The following RBFOX3 variants were observed in gnomAD, a reference collection of about 807,000 sequenced individuals.
The protein encoded by RBFOX3 is RNA binding protein fox-1 homolog 3.
RBFOX3 carries 17 observed loss-of-function variants against 48.7 expected under a neutral mutation model. The observed-to-expected ratio is 0.35, with a 90% CI of 0.24 to 0.52. The LOEUF (loss-of-function observed/expected upper bound fraction) is 0.52, where lower values mean the gene tolerates loss of function less well. Among genes scored for constraint, RBFOX3 ranks in the 20% least tolerant of loss-of-function variants. The pLI is 0.94. For missense variants in RBFOX3, 382 were observed against 497.5 expected, an observed-to-expected ratio of 0.77 and a Z score of 2.21; for synonymous variants, 212 against 209.5, an observed-to-expected ratio of 1.01 and a Z score of -0.10.
chr17:79,504,300 A>G (rs1263735297), intron 1 of RBFOX3, among the ~76,000 whole-genome samples: 1 of 152,252 alleles, frequency 6.6e-6, no homozygotes, highest in Non-Finnish European at 1.5e-5. Context: ...CGAGTCAGAG[A>G]TCGGCCATGG....
intron 4 of RBFOX3, among the ~76,000 whole-genome samples, chr17:79,147,005 T>TG (rs1176869966): frequency 7.9e-5 from 12 of 152,072 alleles, no homozygotes; most frequent in Non-Finnish European, 1.2e-4. Flanking sequence ...TCCTTTACTT[T>TG]GGATCTTACA....
At position 79,361,666 on chromosome 17, in the gene RBFOX3, C is replaced by T. The variant is rs575599130; in HGVS notation, c.-174-53842G>A. ...CCCTCTCTTTCACTCTGCCCTCAAACAGCATTTCACTCCATCATTCATTTC... is the reference window on the plus strand; with the variant it reads ...CCCTCTCTTTCACTCTGCCCTCAAATAGCATTTCACTCCATCATTCATTTC... On this transcript the variant is annotated intron_variant, in intron 2 of 14. Transcript: ENST00000693108. This position sits in a 1 kb window ranked among gnomAD's most constrained non-coding sequence, Gnocchi z 4.5. Among the ~76,000 whole-genome samples, 117 of 152,346 alleles carry T rather than the reference C, an allele frequency of 7.7e-4. No homozygotes were observed. Among genetic ancestry groups the T allele is most frequent in the South Asian group, 1.0e-3 (5 of 4,824 alleles).
chr17:79,631,471 C>T, the RBFOX3 span, among the ~76,000 whole-genome samples: 3 of 152,214 alleles, frequency 2.0e-5, no homozygotes, highest in South Asian at 6.2e-4. Context: ...ACTCATCTGC[C>T]TTTCAGGGAC....
chr17:79,563,059 G>A (rs1205575255), intron 1 of RBFOX3, among the ~76,000 whole-genome samples: 1 of 152,224 alleles, frequency 6.6e-6, no homozygotes, highest in Non-Finnish European at 1.5e-5. Flanking sequence ...CAGCAGCAGA[G>A]CGGGCGGGGG....
At chr17:79,246,555 T>C (rs2063195323) in intron 3 of RBFOX3, among the ~76,000 whole-genome samples, 1 of 152,220 alleles carries the variant, frequency 6.6e-6, no homozygotes, top group Admixed American at 6.5e-5. Context: ...GCAATGATGG[T>C]GTCCAGATGG....
chr17:79,503,613 C>T (rs1224561439), intron 1 of RBFOX3, among the ~76,000 whole-genome samples: 2 of 152,226 alleles, frequency 1.3e-5, no homozygotes, highest in Admixed American at 6.5e-5. Context: ...TCCAGCTCCA[C>T]GGCTGCGTGT....
At chr17:79,620,405 A>G in the RBFOX3 span, among the ~76,000 whole-genome samples, 1 of 150,142 alleles carries the variant, frequency 6.7e-6, no homozygotes, top group Non-Finnish European at 1.5e-5. Flanking sequence ...CCACATGCAC[A>G]CACACGGACA....
At chr17:79,606,943 G>C (rs1308301612) in intron 1 of RBFOX3, among the ~76,000 whole-genome samples, 1 of 152,202 alleles carries the variant, frequency 6.6e-6, no homozygotes, top group Non-Finnish European at 1.5e-5. Context: ...ATAGACCCAG[G>C]ACGTTATAGA....
rs1287941604 is a variant in RBFOX3, at chr17:79,482,358, C to A, written c.-175+96G>T. 6.6e-6 allele frequency: 1 copy of A among 152,248 alleles called. No homozygotes were observed. Among genetic ancestry groups the A allele is most frequent in the Non-Finnish European group, 1.5e-5 (1 of 68,072 alleles). 9.4% of individuals were successfully genotyped at this position (152,248 alleles called of 1,614,324 possible). ...AGCACAGAACGCCCCTACCCCACAA[C>A]CCTTGCTGGAAAATCAAATCACCGC... On this transcript the variant is annotated intron_variant, in intron 2 of 14. Transcript: ENST00000693108. This position sits in a 1 kb window ranked among gnomAD's most constrained non-coding sequence, Gnocchi z 4.1.
intron 2 of RBFOX3, among the ~76,000 whole-genome samples, chr17:79,478,918 G>A (rs757990080): frequency 2.3e-4 from 35 of 152,222 alleles, no homozygotes; most frequent in African/African-American, 6.8e-4. Flanking sequence ...GACCCTTTCC[G>A]AGGCAGAGGC....
chr17:79,433,780 C>T (rs1334515957), intron 2 of RBFOX3, among the ~76,000 whole-genome samples: 3 of 151,738 alleles, frequency 2.0e-5, no homozygotes, highest in Admixed American at 6.5e-5. Context: ...ATCAAGTCAC[C>T]GTCCACACTG....
At chr17:79,382,987 G>C (rs2060109172) in intron 2 of RBFOX3, among the ~76,000 whole-genome samples, 1 of 150,946 alleles carries the variant, frequency 6.6e-6, no homozygotes, top group South Asian at 2.1e-4. Context: ...CATTTTCTGG[G>C]GCTGTGTGGG....
intron 1 of RBFOX3, among the ~76,000 whole-genome samples, chr17:79,554,351 CTCACCT>C (rs2091423768): frequency 2.0e-5 from 3 of 151,494 alleles, no homozygotes; most frequent in African/African-American, 7.3e-5. Context: ...ACAGTCACCC[CTCACCT>C]GGCCCTCTCC....
rs142440207 is a variant in RBFOX3, at chr17:79,147,170, G to A, written c.-33-31422C>T. 2.7e-3 allele frequency among the ~76,000 whole-genome samples: 404 copies of A among 152,258 alleles called. 3 individuals carry two copies. Among genetic ancestry groups the A allele is most frequent in the Non-Finnish European group, 4.9e-3 (333 of 68,022 alleles). ...GCTCCCTTGCCCTCCCGTCCGTGTC[G>A]TCCTCAGAGATGGCACGGCCCAAGT... is the stretch of plus-strand genomic sequence containing the variant. On this transcript the variant is annotated intron_variant, in intron 4 of 14. Transcript: ENST00000693108.
chr17:79,339,538 G>T (rs2081728732), intron 2 of RBFOX3, among the ~76,000 whole-genome samples: 1 of 152,280 alleles, frequency 6.6e-6, no homozygotes, highest in South Asian at 2.1e-4. Flanking sequence ...AGGAGGAAGT[G>T]GTTCCTTAAA....
intron 2 of RBFOX3, among the ~76,000 whole-genome samples, chr17:79,414,462 T>C (rs1025953903): frequency 2.0e-5 from 3 of 152,158 alleles, no homozygotes; most frequent in African/African-American, 7.2e-5. Flanking sequence ...TGTATTTCCA[T>C]ATGCAAATGC....
chr17:79,324,496 T>C (rs2079017278), intron 2 of RBFOX3, among the ~76,000 whole-genome samples: 1 of 152,200 alleles, frequency 6.6e-6, no homozygotes, highest in Non-Finnish European at 1.5e-5. Context: ...GTGCCCCTTC[T>C]TCGATGGAGG....
intron 6 of RBFOX3, among the ~76,000 whole-genome samples, chr17:79,105,405 C>T (rs1740510600): frequency 6.6e-6 from 1 of 152,212 alleles, no homozygotes; most frequent in Non-Finnish European, 1.5e-5. Flanking sequence ...AGGTCCCCTG[C>T]AGGGGGCATC....
the RBFOX3 span, among the ~76,000 whole-genome samples, chr17:79,639,525 A>G: frequency 6.6e-6 from 1 of 152,316 alleles, no homozygotes; most frequent in South Asian, 2.1e-4. Flanking sequence ...CAGTCAGACA[A>G]AGACACCACA....
Sources: gnomAD v4.1 joint callset for allele counts (sites outside exome capture counted in the v4.1 genomes callset) on GRCh38, gnomAD v4.1.1 for gene constraint, Gnocchi (gnomAD v3.1) non-coding constraint, MANE v1.5 for transcripts, NCBI Gene and HGNC (gene_info 2026-07-23, HGNC 2026-07-21) for gene names.